INPP4B: variants seen among roughly 807,000 people sequenced by gnomAD.
The protein encoded by INPP4B is inositol polyphosphate 4-phosphatase type II.
In INPP4B, 55 loss-of-function variants were observed where a neutral mutation model predicts 122.5. That is an observed-to-expected ratio of 0.45 (90% CI 0.36 to 0.56). The LOEUF (loss-of-function observed/expected upper bound fraction) is 0.56. Ranked by LOEUF, INPP4B falls within the 20% of genes least tolerant of loss-of-function variation. INPP4B has a pLI of 0.00. For synonymous variants in INPP4B, 403 were observed against 388.7 expected, an observed-to-expected ratio of 1.04 and a Z score of -0.43; for missense variants, 1,000 against 1,097.7, an observed-to-expected ratio of 0.91 and a Z score of 1.26.
chr4:142,783,721 T>C (rs1315039326), intron 1 of INPP4B, among the ~76,000 whole-genome samples: 1 of 152,138 alleles, frequency 6.6e-6, no homozygotes, highest in Non-Finnish European at 1.5e-5. Context: ...TTAAAAAGAA[T>C]AGAGAGTGTA....
intron 9 of INPP4B, among the ~76,000 whole-genome samples, chr4:142,300,306 C>T (rs1225668629): frequency 1.3e-5 from 2 of 152,292 alleles, no homozygotes; most frequent in East Asian, 1.9e-4. Flanking sequence ...TGGAGCCTCT[C>T]CTTATCGCTG....
chr4:142,149,114 G>T (rs766568979), intron 17 of INPP4B, among the ~76,000 whole-genome samples: 1 of 152,194 alleles, frequency 6.6e-6, no homozygotes, highest in Non-Finnish European at 1.5e-5. Context: ...TTACTACTTA[G>T]TAGCAGTTAC....
At chr4:142,749,103 C>T (rs331960) in intron 1 of INPP4B, among the ~76,000 whole-genome samples, 37,897 of 150,056 alleles carry the variant, frequency 0.25, 4,951 homozygotes, top group South Asian at 0.35. Context: ...TGTGCCACTG[C>T]TCTCCAGCCT....
intron 15 of INPP4B, among the ~76,000 whole-genome samples, chr4:142,186,456 C>A (rs1579214706): frequency 6.6e-6 from 1 of 152,102 alleles, no homozygotes; most frequent in East Asian, 1.9e-4. Flanking sequence ...TCTGCCTGTT[C>A]CAGAATGGAG....
At chr4:142,246,304 T>C (rs1011992113) in intron 11 of INPP4B, among the ~76,000 whole-genome samples, 4 of 152,094 alleles carry the variant, frequency 2.6e-5, no homozygotes, top group African/African-American at 9.7e-5. Context: ...CATATGAAAT[T>C]TAAAGTAGTT....
chr4:142,526,050 G>A (rs1320569689), intron 2 of INPP4B, among the ~76,000 whole-genome samples: 1 of 152,030 alleles, frequency 6.6e-6, no homozygotes, highest in African/African-American at 2.4e-5. Flanking sequence ...AATACCATGT[G>A]CATTTACAGT....
chr4:142,523,912 G>A (rs1826457742), intron 2 of INPP4B, among the ~76,000 whole-genome samples: 1 of 144,614 alleles, frequency 6.9e-6, no homozygotes, highest in Admixed American at 7.1e-5. Flanking sequence ...GCGGTGTTTG[G>A]TTTTTTGTTC....
chr4:142,287,195 G>C (rs1396579679), intron 9 of INPP4B: 1 of 152,104 alleles, frequency 6.6e-6, no homozygotes, highest in African/African-American at 2.4e-5. Context: ...TCTATGACGT[G>C]CTTCTGAAGT....
At chr4:142,273,020 G>A (rs755602720) in intron 9 of INPP4B, among the ~76,000 whole-genome samples, 10 of 151,854 alleles carry the variant, frequency 6.6e-5, no homozygotes, top group African/African-American at 1.4e-4. Context: ...GTAATAAACC[G>A]TATATGTCAT....
chr4:142,095,359 T>C (rs1413101586), intron 23 of INPP4B, among the ~76,000 whole-genome samples: 1 of 152,174 alleles, frequency 6.6e-6, no homozygotes, highest in Non-Finnish European at 1.5e-5. Flanking sequence ...GTTGGAAAAG[T>C]GGATCTAAAA....
At chr4:142,331,797 C>T (rs535327438) in intron 7 of INPP4B, among the ~76,000 whole-genome samples, 76 of 151,264 alleles carry the variant, frequency 5.0e-4, no homozygotes, top group African/African-American at 1.8e-3. Flanking sequence ...GTGCTGAATG[C>T]TTCAAAATTT....
At chr4:142,321,702 A>G (rs951647287) in intron 7 of INPP4B, among the ~76,000 whole-genome samples, 5 of 151,884 alleles carry the variant, frequency 3.3e-5, no homozygotes, top group Non-Finnish European at 7.4e-5. Flanking sequence ...TCCCTACTTT[A>G]TGTTTCCCTA....
At chr4:142,574,300 ATTCTGTT>A (rs1733414363) in intron 2 of INPP4B, among the ~76,000 whole-genome samples, 1 of 152,060 alleles carries the variant, frequency 6.6e-6, no homozygotes, top group South Asian at 2.1e-4. Flanking sequence ...CAGCCTCCTT[ATTCTGTT>A]TCCTGACCTA....
At chr4:142,432,163 A>T (rs1010724701) in intron 3 of INPP4B, among the ~76,000 whole-genome samples, 1 of 152,108 alleles carries the variant, frequency 6.6e-6, no homozygotes, top group African/African-American at 2.4e-5. Flanking sequence ...ACCAAGAATA[A>T]ATTTTTTAAA....
intron 2 of INPP4B, among the ~76,000 whole-genome samples, chr4:142,523,281 C>T (rs546705843): frequency 3.9e-5 from 6 of 151,978 alleles, no homozygotes; most frequent in Non-Finnish European, 8.8e-5. Flanking sequence ...CCAGATAATT[C>T]GAATGCATAC....
chr4:142,684,973 A>G (rs1333797668), intron 2 of INPP4B, among the ~76,000 whole-genome samples: 1 of 152,088 alleles, frequency 6.6e-6, no homozygotes, highest in Admixed American at 6.6e-5. Flanking sequence ...TAAATCAAAG[A>G]ACATATGTGT....
chr4:142,167,834 T>C (rs1823571940), intron 16 of INPP4B, among the ~76,000 whole-genome samples: 2 of 151,734 alleles, frequency 1.3e-5, no homozygotes, highest in South Asian at 4.1e-4. Flanking sequence ...CATTCAAATA[T>C]CTCCTGGTAT....
At chr4:142,472,029 G>A (rs1328427079) in intron 2 of INPP4B, among the ~76,000 whole-genome samples, 1 of 152,016 alleles carries the variant, frequency 6.6e-6, no homozygotes, top group Non-Finnish European at 1.5e-5. Flanking sequence ...TATTGAGTAA[G>A]TTCACCCTGC....
chr4:142,608,669 TACAAC>T (rs1741822248), intron 2 of INPP4B, among the ~76,000 whole-genome samples: 2 of 152,154 alleles, frequency 1.3e-5, no homozygotes, highest in Non-Finnish European at 2.9e-5. Context: ...ACCTACTCTG[TACAAC>T]ACCCTCCAAG....
Sources: allele counts gnomAD v4.1 joint callset (sites outside exome capture counted in the v4.1 genomes callset), GRCh38; gene constraint gnomAD v4.1.1; transcripts MANE v1.5; gene names NCBI Gene and HGNC (gene_info 2026-07-23, HGNC 2026-07-21).